The following ACADL variants were observed in gnomAD, a reference collection of about 807,000 sequenced individuals.
ACADL encodes the protein acyl-CoA dehydrogenase long chain.
A neutral mutation model predicts 56.9 loss-of-function variants in ACADL; 60 were observed. That is an observed-to-expected ratio of 1.05 (90% CI 0.86 to 1.31). The LOEUF is 1.31. Ranked by LOEUF, ACADL falls within the 50% of genes most tolerant of loss-of-function variation. ACADL has a pLI of 0.00. For synonymous variants in ACADL, 158 were observed against 179.7 expected, an observed-to-expected ratio of 0.88 and a Z score of 0.97; for missense variants, 484 against 525.5, an observed-to-expected ratio of 0.92 and a Z score of 0.77.
chr2:210,203,431 A>G lies in ACADL; in HGVS notation c.884T>C (p.Ile295Thr). 3 of 1,612,458 alleles carry G rather than the reference A, an allele frequency of 1.9e-6. No homozygotes were observed. In the Admixed American group the frequency reaches 5.0e-5, roughly 27 times the overall value. Residue 295 changes from isoleucine to threonine, a missense_variant, in exon 8 of 11, where the codon ATT becomes ACT. Coordinates refer to ENST00000233710, the MANE Select transcript of ACADL (RefSeq NM_001608.4). ...MKELPQERLL[I>T]ADVAISASEF... ...ACTAGCTGAAATTGCCACATCAGCAATTAACAGCCTTTCCTATAACACAAA... is the reference window on the plus strand; with the variant it reads ...ACTAGCTGAAATTGCCACATCAGCAGTTAACAGCCTTTCCTATAACACAAA...
chr2:210,224,352 G>C (rs1689231593), intron 1 of ACADL: 1 of 979,818 alleles, frequency 1.0e-6, no homozygotes, highest in Non-Finnish European at 1.2e-6. Context: ...CCCAGGAAAA[G>C]TAGGCATTTT....
In ACADL at chr2:210,189,084, A is replaced by G. The variant is rs772228742; in HGVS notation, c.1200-30T>C. ...ATAAATCAGATGATTGAATGAATAA[A>G]TAAAATATATTAGAAACTGTAAATT... On this transcript the variant is annotated intron_variant, in intron 10 of 10. Coordinates refer to ENST00000233710, the MANE Select transcript of ACADL (RefSeq NM_001608.4). 4 of 1,475,696 alleles carry G rather than the reference A, an allele frequency of 2.7e-6. No individual in the cohort carries two copies. The African/African-American group carries it at 5.5e-5, about 20-fold the overall frequency. 91.4% of individuals were successfully genotyped at this position (1,475,696 alleles called of 1,614,324 possible).
intron 8 of ACADL, among the ~76,000 whole-genome samples, chr2:210,200,012 T>C (rs1386645427): frequency 6.6e-6 from 1 of 152,190 alleles, no homozygotes; most frequent in African/African-American, 2.4e-5. Flanking sequence ...CCCAACGTGC[T>C]GGGATTACAG....
intron 4 of ACADL, among the ~76,000 whole-genome samples, chr2:210,211,709 G>C (rs943953133): frequency 2.6e-5 from 4 of 152,092 alleles, no homozygotes; most frequent in Admixed American, 6.5e-5. Flanking sequence ...TATACAGCTG[G>C]TGGAACTGTG....
chr2:210,201,538 G>A (rs1467405236), intron 8 of ACADL, among the ~76,000 whole-genome samples: 2 of 152,046 alleles, frequency 1.3e-5, no homozygotes, highest in Admixed American at 1.3e-4. Context: ...ACTAGACTAC[G>A]GAGATTCAAG....
chr2:210,223,845 T>A (rs1689218284), intron 1 of ACADL, among the ~76,000 whole-genome samples: 1 of 152,168 alleles, frequency 6.6e-6, no homozygotes, highest in African/African-American at 2.4e-5. Context: ...AAACTAAATA[T>A]CTGTAAAGTT....
chr2:210,211,833 T>C, intron 4 of ACADL, among the ~76,000 whole-genome samples: 1 of 6,696 alleles, frequency 1.5e-4, no homozygotes, highest in Admixed American at 4.0e-3. Flanking sequence ...CCTCAGCATT[T>C]TTTTTTTTTT....
intron 1 of ACADL, chr2:210,224,342 C>T (rs1213322655): frequency 1.0e-6 from 1 of 970,600 alleles, no homozygotes; most frequent in Non-Finnish European, 1.2e-6. Flanking sequence ...CCCAAATCTC[C>T]CCAGGAAAAG....
At chr2:210,196,127 G>C (rs1015057801) in intron 8 of ACADL, among the ~76,000 whole-genome samples, 1 of 152,058 alleles carries the variant, frequency 6.6e-6, no homozygotes, top group Non-Finnish European at 1.5e-5. Context: ...GAGATCTGAT[G>C]GTTTTATAAA....
At chr2:210,223,661 CAG>C (rs1172180901) in intron 1 of ACADL, among the ~76,000 whole-genome samples, 1 of 152,186 alleles carries the variant, frequency 6.6e-6, no homozygotes, top group African/African-American at 2.4e-5. Context: ...ATGGATAAAA[CAG>C]AAGCAGATAT....
intron 8 of ACADL, among the ~76,000 whole-genome samples, chr2:210,200,701 AAG>A (rs1444955667): frequency 6.6e-6 from 1 of 152,168 alleles, no homozygotes; most frequent in African/African-American, 2.4e-5. Context: ...TTAGGATGTA[AAG>A]ACTTTTTTTC....
intron 8 of ACADL, among the ~76,000 whole-genome samples, chr2:210,196,847 A>G (rs902886902): frequency 6.6e-6 from 1 of 152,188 alleles, no homozygotes; most frequent in African/African-American, 2.4e-5. Context: ...GTGAAACTCA[A>G]ACTAGAAATT....
chr2:210,189,655 A>C (rs1479156983), intron 10 of ACADL, among the ~76,000 whole-genome samples: 1 of 151,864 alleles, frequency 6.6e-6, no homozygotes, highest in Admixed American at 6.6e-5. Context: ...CTATACCCAC[A>C]CCAAAGAAAA....
At chr2:210,197,364 T>TTA (rs1688727318) in intron 8 of ACADL, among the ~76,000 whole-genome samples, 1 of 152,182 alleles carries the variant, frequency 6.6e-6, no homozygotes, top group African/African-American at 2.4e-5. Context: ...ATTGTTTCCC[T>TTA]TAATTTTTTC....
Position 210,188,748 on chromosome 2 carries a change from G to C in ACADL, c.*213C>G, listed in dbSNP as rs577124970. The C allele has an allele frequency of 2.1e-6, 1 of 478,460 alleles. No individual in the cohort carries two copies. Among genetic ancestry groups the C allele is most frequent in the East Asian group, 3.8e-5 (1 of 26,594 alleles). The allele number at this position is 478,460 out of a possible 1,614,324, so 29.6% of individuals were successfully genotyped here. A position where few individuals can be genotyped will look rare whatever the true frequency, so the allele number is the denominator to read the frequency against. ...TTTACCTTTGGCTACATAAAAAACT[G>C]TAAGTTAAACCTTATATTGGAAAAC... On this transcript the variant is annotated 3_prime_UTR_variant, in exon 11 of 11. Transcript: ENST00000233710.
chr2:210,214,525 G>GAAAGAAAAAGAAAGAAAGA (rs1689050618), intron 4 of ACADL, among the ~76,000 whole-genome samples: 1 of 151,014 alleles, frequency 6.6e-6, no homozygotes, highest in Admixed American at 6.6e-5. Context: ...AAGAAAGAAA[G>GAAAGAAAAAGAAAGAAAGA]AAAGAAATCT....
At chr2:210,208,057 T>C (rs1688917965) in intron 5 of ACADL, among the ~76,000 whole-genome samples, 1 of 152,244 alleles carries the variant, frequency 6.6e-6, no homozygotes, top group African/African-American at 2.4e-5. Flanking sequence ...ACCAAGCTCC[T>C]ACCTTTCTGT....
At chr2:210,200,082 A>C (rs1303662067) in intron 8 of ACADL, among the ~76,000 whole-genome samples, 1 of 152,068 alleles carries the variant, frequency 6.6e-6, no homozygotes, top group East Asian at 1.9e-4. Context: ...TTGATGTTTA[A>C]GTGGTGGTGG....
chr2:210,215,211 A>G (rs1427534504), intron 4 of ACADL, among the ~76,000 whole-genome samples: 3 of 152,010 alleles, frequency 2.0e-5, no homozygotes, highest in Non-Finnish European at 2.9e-5. Flanking sequence ...CCCTCTCTAC[A>G]TTTCCTTTTA....
Sources: allele counts gnomAD v4.1 joint callset (sites outside exome capture counted in the v4.1 genomes callset), GRCh38; gene constraint gnomAD v4.1.1; transcripts MANE v1.5; gene names NCBI Gene and HGNC (gene_info 2026-07-23, HGNC 2026-07-21).